Variants in JAG2 observed in about 807,000 individuals in gnomAD.
The protein encoded by JAG2 is jagged canonical Notch ligand 2.
JAG2 carries 46 observed loss-of-function variants against 141.7 expected under a neutral mutation model. The ratio of observed to expected loss-of-function variants is 0.32; its 90% CI spans 0.26 to 0.42. The LOEUF (loss-of-function observed/expected upper bound fraction) is 0.42. Among genes scored for constraint, JAG2 ranks in the 10% least tolerant of loss-of-function variants. The pLI is 1.00. For missense variants in JAG2, 1,500 were observed against 1,817.5 expected (o/e 0.83, Z 3.18); for synonymous variants, 862 against 763.5 (o/e 1.13, Z -2.13).
intron 8 of JAG2, 52 bp from the exon 9 acceptor site, chr14:105,151,448 A>C: frequency 1.3e-6 from 2 of 1,537,648 alleles, no homozygotes; most frequent in Non-Finnish European, 1.8e-6. Context: ...CGTGGGAATA[A>C]GGTCCCCATG....
At chr14:105,147,935 G>A (rs1192447830) in intron 17 of JAG2, 47 bp from the exon 18 acceptor site, 4 of 1,432,242 alleles carry the variant, frequency 2.8e-6, no homozygotes, top group Admixed American at 3.9e-5. Flanking sequence ...GCCCTGGGCT[G>A]GCCCTGGGTC....
In JAG2 at chr14:105,143,170, C is replaced by G; in HGVS notation, c.3242G>C (p.Gly1081Ala). 1 of 1,597,680 alleles carries G rather than the reference C, an allele frequency of 6.3e-7. No individual in the cohort carries two copies. The highest frequency in any genetic ancestry group is 8.5e-7 in the Non-Finnish European group (1 of 1,179,476). ...ACCACACAGCACAGGCACCAGCAGA[C>G]CTGGGGACCGGGGAGAAGAGCCGGT... ...ETVVTGGSST[G>A]LLVPVLCGAF... Residue 1081 changes from glycine (G) to alanine (A), a missense_variant and splice_region_variant, in exon 26 of 26, where the codon GGT (glycine) becomes GCT (alanine). Gly to Ala is a moderately conservative substitution (Grantham distance 60). Coordinates refer to ENST00000331782, the MANE Select transcript of JAG2 (RefSeq NM_002226.5).
intron 20 of JAG2, 186 bp from the exon 21 acceptor site, chr14:105,146,910 C>A: frequency 1.5e-6 from 1 of 669,346 alleles, no homozygotes; most frequent in Admixed American, 2.1e-5. Flanking sequence ...CTGACCCTGG[C>A]CCAACAGCAC....
At chr14:105,155,396 G>T (rs1399523227) in intron 5 of JAG2, among the ~76,000 whole-genome samples, 166 bp downstream of exon 5, 1 of 152,116 alleles carries the variant, frequency 6.6e-6, no homozygotes, top group Non-Finnish European at 1.5e-5. Flanking sequence ...GCTCAGACAC[G>T]CACCTACTGC....
chr14:105,156,126 G>T, intron 3 of JAG2, 137 bp from the exon 4 acceptor site: 1 of 1,165,026 alleles, frequency 8.6e-7, no homozygotes, highest in Non-Finnish European at 1.2e-6. Flanking sequence ...ACGGAGGGCA[G>T]GGCCCCCGGC....
chr14:105,150,889 C>G lies in JAG2; in HGVS notation c.1404G>C (p.Gln468His). Residue 468 changes from glutamine to histidine, a missense_variant, in exon 11 of 26, where the codon CAG becomes CAC. By Grantham distance (24) the Gln-to-His change is conservative (BLOSUM62 0). Transcript: ENST00000331782. ...CCTTGCAGGTGCCCCCATGCTGACA[C>G]TGCCCGCGACAGTCGTTGACGTCTG... is the stretch of plus-strand genomic sequence containing the variant. ...CHINVNDCRG[Q>H]CQHGGTCKDL... 1 of 1,590,962 alleles carries G rather than the reference C, an allele frequency of 6.3e-7. No homozygotes were observed. Among genetic ancestry groups the G allele is most frequent in the Non-Finnish European group, 8.6e-7 (1 of 1,169,332 alleles).
At chr14:105,156,539 G>A (rs745459556) in intron 3 of JAG2, among the ~76,000 whole-genome samples, 3 of 151,634 alleles carry the variant, frequency 2.0e-5, no homozygotes, top group South Asian at 2.1e-4. Context: ...CCCGTGACCC[G>A]CTGTCTAAGC....
chr14:105,159,874 T>C (rs1348745213), intron 2 of JAG2, among the ~76,000 whole-genome samples: 1 of 2,694 alleles, frequency 3.7e-4, no homozygotes, highest in Non-Finnish European at 5.9e-4. Context: ...GCTCCATCCA[T>C]ACCCCCCAGA....
At chr14:105,159,051 G>T (rs1265378373) in intron 2 of JAG2, among the ~76,000 whole-genome samples, 1 of 151,852 alleles carries the variant, frequency 6.6e-6, no homozygotes, top group Non-Finnish European at 1.5e-5. Context: ...TGTCTCAGAA[G>T]ACTGCACTCC....
intron 22 of JAG2, among the ~76,000 whole-genome samples, 193 bp downstream of exon 22, chr14:105,146,192 G>C (rs1315084983): frequency 6.6e-6 from 1 of 152,204 alleles, no homozygotes; most frequent in Non-Finnish European, 1.5e-5. Context: ...GCAGGACCCA[G>C]ACCAGGCCTG....
intron 5 of JAG2, among the ~76,000 whole-genome samples, chr14:105,153,944 A>C (rs1363100898): frequency 2.6e-5 from 4 of 152,202 alleles, no homozygotes; most frequent in African/African-American, 7.2e-5. Context: ...TGCCCAGACC[A>C]GGTCCACCTT....
Position 105,167,874 on chromosome 14 carries a change from G to C in JAG2, c.300C>G (p.Gly100=), listed in dbSNP as rs1888969982. ...CCGCCGGCGGCAGGTAGAAGGAGTT[G>C]CCGCCCAGCACGGGCGTGGCGCCGT... The part of the protein sequence containing the change: ...YGHGATPVLG[G]NSFYLPPAGA... The change falls in exon 2 of 26, where the codon GGC becomes GGG. Residue 100 remains glycine (G), a synonymous_variant. Transcript: ENST00000331782. The surrounding 1 kb of genome is among the most constrained non-coding windows in gnomAD (Gnocchi z 4.8). The C allele has an allele frequency of 1.3e-6, 2 of 1,567,220 alleles. No individual in the cohort carries two copies. The highest frequency in any genetic ancestry group is 5.0e-5 in the East Asian group (2 of 40,074).
At chr14:105,145,341 T>C (rs75146910) in intron 23 of JAG2, among the ~76,000 whole-genome samples, 4,803 of 152,158 alleles carry the variant, frequency 0.032, 267 homozygotes, top group African/African-American at 0.11. Flanking sequence ...GTGGGTCTCC[T>C]CCAGTTCTGA....
In JAG2 at chr14:105,151,405, G is replaced by T. The variant is rs765371897; in HGVS notation, c.1154-9C>A. ...AGCACACTCATCGATGTCTGCAGAGGGTGGAGAAAGGTGGGGCCCTGGCAG... is the reference window on the plus strand; with the variant it reads ...AGCACACTCATCGATGTCTGCAGAGTGTGGAGAAAGGTGGGGCCCTGGCAG... On this transcript the variant is annotated splice_polypyrimidine_tract_variant and intron_variant, in intron 8 of 25. Transcript: ENST00000331782. 30 of 1,605,732 alleles carry T rather than the reference G, an allele frequency of 1.9e-5. No individual in the cohort carries two copies. The highest frequency in any genetic ancestry group is 1.7e-6 in the Non-Finnish European group (2 of 1,176,810).
At chr14:105,151,434 G>A (rs587616669) in intron 8 of JAG2, 38 bp from the exon 9 acceptor site, 1 of 1,578,764 alleles carries the variant, frequency 6.3e-7, no homozygotes, top group Admixed American at 1.7e-5. Flanking sequence ...CTGGCAGTGT[G>A]AGCCGTGGGA....
rs1239962238 is a variant in JAG2 at position 105,150,750 on chromosome 14, A to C, written c.1456T>G (p.Cys486Gly). The change falls in exon 12 of 26, where the codon TGC becomes GGC. Residue 486 changes from cysteine (C) to glycine (G), a missense_variant. This residue lies in a region of JAG2 where 875 missense variants were observed against 1,202.2 expected (regional missense o/e 0.73). Coordinates refer to ENST00000331782, the MANE Select transcript of JAG2 (RefSeq NM_002226.5). ...KDLVNGYQCVCPRGFGGRHCE... is the reference protein window; with the variant it reads ...KDLVNGYQCVGPRGFGGRHCE... ...TGCCGGCCTCCGAAGCCCCGTGGGCACACACACTGGTACCCGTTCACCAGG... is the reference window on the plus strand; with the variant it reads ...TGCCGGCCTCCGAAGCCCCGTGGGCCCACACACTGGTACCCGTTCACCAGG... 6.3e-7 allele frequency: 1 copy of C among 1,587,032 alleles called. No homozygotes were observed. Among genetic ancestry groups the C allele is most frequent in the African/African-American group, 1.3e-5 (1 of 74,438 alleles).
chr14:105,162,799 C>CA (rs1888795196), intron 2 of JAG2, among the ~76,000 whole-genome samples: 11 of 143,320 alleles, frequency 7.7e-5, no homozygotes, highest in South Asian at 2.3e-4. Context: ...CCCCAAAGCT[C>CA]AGGGCACTCC....
intron 5 of JAG2, among the ~76,000 whole-genome samples, chr14:105,153,617 G>T (rs1430306069): frequency 2.0e-5 from 3 of 152,146 alleles, no homozygotes; most frequent in African/African-American, 4.8e-5. Context: ...GCATCCGGTG[G>T]GGGGGCGTCC....
In JAG2 at chr14:105,146,743, C is replaced by A. The variant is rs1209368902; in HGVS notation, c.2480-19G>T. 6.3e-7 allele frequency: 1 copy of A among 1,591,350 alleles called. No homozygotes were observed. The highest frequency in any genetic ancestry group is 1.3e-5 in the African/African-American group (1 of 74,502). On this transcript the variant is annotated intron_variant, in intron 20 of 25. Coordinates refer to ENST00000331782, the MANE Select transcript of JAG2 (RefSeq NM_002226.5). ...TCGATGTCTGCAGGGAGAGCCACCG[C>A]TGCTCAGTGCAGTGAGGCCAACGCC...
Sources: allele counts gnomAD v4.1 joint callset (sites outside exome capture counted in the v4.1 genomes callset), GRCh38; gene constraint gnomAD v4.1.1; regional missense constraint gnomAD v4.1.1; non-coding constraint Gnocchi (gnomAD v3.1); transcripts MANE v1.5; gene names NCBI Gene and HGNC (gene_info 2026-07-23, HGNC 2026-07-21).